Variants in MBOAT1 observed in about 807,000 individuals in gnomAD.
MBOAT1 encodes the protein membrane-bound glycerophospholipid O-acyltransferase 1.
MBOAT1 carries 67 observed loss-of-function variants against 64.4 expected under a neutral mutation model. The ratio of observed to expected loss-of-function variants is 1.04; its 90% CI spans 0.85 to 1.27. The LOEUF (loss-of-function observed/expected upper bound fraction) is 1.27. Ranked by LOEUF, MBOAT1 falls within the 50% of genes most tolerant of loss-of-function variation. The pLI is 0.00. For missense variants in MBOAT1, 563 were observed against 604.6 expected (o/e 0.93, Z 0.72); for synonymous variants, 229 against 218.9 (o/e 1.05, Z -0.41).
rs1185750091 is a variant in MBOAT1 at position 20,196,165 on chromosome 6, A to G, written c.99+15971T>C. Among the ~76,000 whole-genome samples, 4 of 152,230 alleles carry G rather than the reference A, an allele frequency of 2.6e-5. 1 individual carries two copies. The highest frequency in any genetic ancestry group is 2.6e-4 in the Admixed American group (4 of 15,284). ...TGTGTGGCCAATAAAAATCCAAAGC[A>G]GCAAATGCAATTTAAGTGAGCCTGG... On this transcript the variant is annotated intron_variant, in intron 1 of 12. Coordinates refer to ENST00000324607, the MANE Select transcript of MBOAT1 (RefSeq NM_001080480.3).
chr6:20,129,306 CAG>C (rs1471117568), intron 5 of MBOAT1, among the ~76,000 whole-genome samples: 3 of 152,294 alleles, frequency 2.0e-5, no homozygotes, highest in Admixed American at 6.5e-5. Flanking sequence ...AAGAAATTAT[CAG>C]AGTTTTCTTC....
At chr6:20,174,049 C>T (rs373186114) in intron 1 of MBOAT1, among the ~76,000 whole-genome samples, 177 of 152,254 alleles carry the variant, frequency 1.2e-3, no homozygotes, top group African/African-American at 4.1e-3. Context: ...TGGTTCCTCA[C>T]GAGACAGTTA....
chr6:20,100,220 A>G lies in MBOAT1; in HGVS notation c.*2066T>C, dbSNP rs1244949396. ...TTACATACAGTGAAACCTGATCATC[A>G]ATCACATTGTAAATTCAAAGACTTC... On this transcript the variant is annotated 3_prime_UTR_variant, in exon 13 of 13. Transcript: ENST00000324607. 6.6e-6 allele frequency among the ~76,000 whole-genome samples: 1 copy of G among 152,216 alleles called. No homozygotes were observed. The highest frequency in any genetic ancestry group is 1.5e-5 in the Non-Finnish European group (1 of 68,036).
chr6:20,144,360 A>C, intron 3 of MBOAT1, 45 bp from the exon 4 acceptor site: 2 of 1,175,352 alleles, frequency 1.7e-6, no homozygotes, highest in South Asian at 2.6e-5. Context: ...GCATAGCAAT[A>C]ATGCACTCAA....
At chr6:20,102,807 G>A (rs531460934) in intron 12 of MBOAT1, among the ~76,000 whole-genome samples, 1 of 152,196 alleles carries the variant, frequency 6.6e-6, no homozygotes, top group South Asian at 2.1e-4. Flanking sequence ...AGCCAATGAT[G>A]GACCACATTA....
At chr6:20,143,964 A>G (rs537404109) in intron 4 of MBOAT1, among the ~76,000 whole-genome samples, 18 of 152,336 alleles carry the variant, frequency 1.2e-4, no homozygotes, top group Non-Finnish European at 2.5e-4. Context: ...TTGCGTTCCA[A>G]TATAACTGTA....
Position 20,101,737 on chromosome 6 carries a change from C to T in MBOAT1, c.*549G>A, listed in dbSNP as rs1270707600. On this transcript the variant is annotated 3_prime_UTR_variant, in exon 13 of 13. Coordinates refer to ENST00000324607, the MANE Select transcript of MBOAT1 (RefSeq NM_001080480.3). The stretch of plus-strand genomic sequence containing the variant: ...CTGCAGCTCTGGCACATTCTCTACA[C>T]ATCGCCACACCACTCAAATGTCCTA... Among the ~76,000 whole-genome samples, 3 of 152,238 alleles carry T rather than the reference C, an allele frequency of 2.0e-5. No individual in the cohort carries two copies. Among genetic ancestry groups the T allele is most frequent in the Non-Finnish European group, 4.4e-5 (3 of 68,036 alleles).
chr6:20,132,081 C>T (rs773379244), intron 4 of MBOAT1, among the ~76,000 whole-genome samples: 59 of 151,880 alleles, frequency 3.9e-4, no homozygotes, highest in Non-Finnish European at 7.2e-4. Context: ...CTGGGTCTTA[C>T]TCTGTTGCCC....
intron 1 of MBOAT1, among the ~76,000 whole-genome samples, chr6:20,180,396 T>A (rs1032945976): frequency 1.4e-4 from 22 of 152,166 alleles, no homozygotes; most frequent in African/African-American, 4.1e-4. Flanking sequence ...TTGCCCTCAT[T>A]ACTTGCCGTT....
At position 20,151,203 on chromosome 6, in the gene MBOAT1, C is replaced by T. The variant is rs1269503602; in HGVS notation, c.305G>A (p.Ser102Asn). 4 of 1,612,944 alleles carry T rather than the reference C, an allele frequency of 2.5e-6. No individual in the cohort carries two copies. Among genetic ancestry groups the T allele is most frequent in the Non-Finnish European group, 3.4e-6 (4 of 1,179,240 alleles). Reference sequence around the variant, plus strand: ...ATCTTACCTGTGAATATTGGATACACTAGCAGTGACCATGATTGCATAGCA... The same window carrying T: ...ATCTTACCTGTGAATATTGGATACATTAGCAGTGACCATGATTGCATAGCA... ...LMCYAIMVTA[S>N]VSNIHRYSFF... The change falls in exon 3 of 13, where the codon AGT becomes AAT. Residue 102 changes from serine to asparagine, a missense_variant. Transcript: ENST00000324607.
At chr6:20,206,877 A>C (rs148286946) in intron 1 of MBOAT1, among the ~76,000 whole-genome samples, 1 of 152,144 alleles carries the variant, frequency 6.6e-6, no homozygotes, top group African/African-American at 2.4e-5. Context: ...GAAATCCTTC[A>C]CTCACATATC....
At chr6:20,196,118 G>A (rs1236776861) in intron 1 of MBOAT1, among the ~76,000 whole-genome samples, 2 of 152,264 alleles carry the variant, frequency 1.3e-5, no homozygotes, top group East Asian at 3.9e-4. Context: ...ATGAGAGTTC[G>A]GGGGCCTAAA....
At chr6:20,109,435 C>G (rs1760055740) in intron 12 of MBOAT1, among the ~76,000 whole-genome samples, 163 bp downstream of exon 12, 1 of 152,144 alleles carries the variant, frequency 6.6e-6, no homozygotes, top group African/African-American at 2.4e-5. Context: ...ATTGGTGTCT[C>G]CAGGACAGCC....
rs149730371 is a variant in MBOAT1, at chr6:20,168,599, G to GAGAGAAGAGAAGAGAAGAGAAGAGA, written c.100-15855_100-15831dup. ...AGAGAAAGAGAGAGAGGGAGAGAAA[G>GAGAGAAGAGAAGAGAAGAGAAGAGA]AGAGAAGAGAAGAGAAGAGAAGAGA... On this transcript the variant is annotated intron_variant, in intron 1 of 12. Coordinates refer to ENST00000324607, the MANE Select transcript of MBOAT1 (RefSeq NM_001080480.3). Among the ~76,000 whole-genome samples the GAGAGAAGAGAAGAGAAGAGAAGAGA allele has an allele frequency of 1.6e-3, 133 of 84,716 alleles. 1 individual carries two copies. The highest frequency in any genetic ancestry group is 5.4e-3 in the African/African-American group (102 of 18,886). 55.6% of individuals were successfully genotyped at this position (84,716 alleles called of 152,430 possible).
At chr6:20,130,709 A>C (rs35350570) in intron 5 of MBOAT1, among the ~76,000 whole-genome samples, 29,888 of 151,952 alleles carry the variant, frequency 0.2, 3,797 homozygotes, top group East Asian at 0.49. Context: ...GCCAAAAAAA[A>C]AAACAAACAA....
intron 4 of MBOAT1, among the ~76,000 whole-genome samples, chr6:20,137,208 A>G (rs768693976): frequency 1.3e-5 from 2 of 152,212 alleles, no homozygotes; most frequent in Non-Finnish European, 2.9e-5. Context: ...TTACACTCCC[A>G]CTAGCAGTAC....
intron 1 of MBOAT1, among the ~76,000 whole-genome samples, chr6:20,161,260 C>T (rs960788608): frequency 2.6e-5 from 4 of 151,850 alleles, no homozygotes; most frequent in South Asian, 2.1e-4. Context: ...CACTGTCTCC[C>T]GTCACTCCCA....
intron 4 of MBOAT1, among the ~76,000 whole-genome samples, chr6:20,133,965 G>A (rs1760907471): frequency 6.6e-6 from 1 of 152,120 alleles, no homozygotes; most frequent in African/African-American, 2.4e-5. Context: ...GGGACACTTA[G>A]GCAGACCCCT....
chr6:20,141,057 G>C (rs982157618), intron 4 of MBOAT1, among the ~76,000 whole-genome samples: 8 of 152,200 alleles, frequency 5.3e-5, no homozygotes, highest in South Asian at 4.2e-4. Context: ...TACAGGGAGT[G>C]GGGGGAGGGA....
Sources: gnomAD v4.1 joint callset for allele counts (sites outside exome capture counted in the v4.1 genomes callset) on GRCh38, gnomAD v4.1.1 for gene constraint, MANE v1.5 for transcripts, NCBI Gene and HGNC (gene_info 2026-07-23, HGNC 2026-07-21) for gene names.